Variants in CYYR1 observed in about 807,000 individuals in gnomAD.
CYYR1 encodes the protein cysteine and tyrosine rich 1.
CYYR1 carries 14 observed loss-of-function variants against 15.2 expected under a neutral mutation model. The ratio of observed to expected loss-of-function variants is 0.92; its 90% CI spans 0.61 to 1.44. The LOEUF is 1.44. Among genes scored for constraint, CYYR1 ranks in the 40% most tolerant of loss-of-function variants. The pLI is 0.00. For synonymous variants in CYYR1, 80 were observed against 77.4 expected, an observed-to-expected ratio of 1.03 and a Z score of -0.18; for missense variants, 228 against 209.5, an observed-to-expected ratio of 1.09 and a Z score of -0.54.
intron 2 of CYYR1, among the ~76,000 whole-genome samples, chr21:26,502,738 C>T (rs1225081134): frequency 1.3e-5 from 2 of 151,888 alleles, no homozygotes; most frequent in Non-Finnish European, 2.9e-5. Context: ...TTTCTGTTTC[C>T]TATTGTTTGT....
intron 3 of CYYR1, among the ~76,000 whole-genome samples, chr21:26,476,322 C>T (rs1490957816): frequency 6.6e-6 from 1 of 152,066 alleles, no homozygotes; most frequent in Non-Finnish European, 1.5e-5. Flanking sequence ...TTTATCTGTC[C>T]TTTAGTAACC....
chr21:26,487,192 T>C (rs2065260521), intron 2 of CYYR1, among the ~76,000 whole-genome samples: 1 of 151,976 alleles, frequency 6.6e-6, no homozygotes, highest in African/African-American at 2.4e-5. Flanking sequence ...ACCTTTGAAA[T>C]AAGTCAAAGG....
intron 2 of CYYR1, among the ~76,000 whole-genome samples, chr21:26,501,817 C>T (rs903215698): frequency 1.3e-5 from 2 of 152,080 alleles, no homozygotes; most frequent in African/African-American, 4.8e-5. Context: ...TGACAGCCTG[C>T]AAAGTGCACT....
chr21:26,492,285 G>T (rs1320522696), intron 2 of CYYR1, among the ~76,000 whole-genome samples: 1 of 152,176 alleles, frequency 6.6e-6, no homozygotes, highest in African/African-American at 2.4e-5. Flanking sequence ...CGTGATTGGC[G>T]TTGGGAACCT....
At chr21:26,488,376 TCCCTA>T (rs1452416412) in intron 2 of CYYR1, among the ~76,000 whole-genome samples, 1 of 151,850 alleles carries the variant, frequency 6.6e-6, no homozygotes, top group Non-Finnish European at 1.5e-5. Flanking sequence ...CACCTCAGCC[TCCCTA>T]GTAGCTGGCA....
chr21:26,505,271 T>C (rs2065540066), intron 2 of CYYR1, among the ~76,000 whole-genome samples: 1 of 152,178 alleles, frequency 6.6e-6, no homozygotes, highest in South Asian at 2.1e-4. Flanking sequence ...TTTGAATTAA[T>C]ATTCCCTCCA....
chr21:26,520,889 G>C (rs905746438), intron 2 of CYYR1, among the ~76,000 whole-genome samples: 2 of 152,138 alleles, frequency 1.3e-5, no homozygotes, highest in African/African-American at 4.8e-5. Context: ...GCAGGGACAT[G>C]GATCGACCTG....
chr21:26,523,652 T>C (rs1205791904), intron 2 of CYYR1, among the ~76,000 whole-genome samples: 2 of 152,224 alleles, frequency 1.3e-5, no homozygotes, highest in African/African-American at 4.8e-5. Context: ...AATTCTTTCC[T>C]GTCCTAAATC....
At chr21:26,562,082 T>C (rs966988890) in intron 2 of CYYR1, among the ~76,000 whole-genome samples, 2 of 152,170 alleles carry the variant, frequency 1.3e-5, no homozygotes, top group Admixed American at 6.6e-5. Context: ...TGAAGCAGAG[T>C]TGCTGAATCA....
intron 2 of CYYR1, among the ~76,000 whole-genome samples, chr21:26,543,970 G>C (rs2123658636): frequency 6.6e-6 from 1 of 152,038 alleles, no homozygotes; most frequent in South Asian, 2.1e-4. Context: ...TGCAAGGAGG[G>C]CTGGGATTGT....
intron 2 of CYYR1, among the ~76,000 whole-genome samples, chr21:26,549,894 T>G (rs907234600): frequency 4.6e-5 from 7 of 152,212 alleles, no homozygotes; most frequent in African/African-American, 1.7e-4. Flanking sequence ...AACAGATTGT[T>G]CATTTTCCTT....
At chr21:26,523,295 T>G (rs902474091) in intron 2 of CYYR1, among the ~76,000 whole-genome samples, 1 of 152,196 alleles carries the variant, frequency 6.6e-6, no homozygotes, top group African/African-American at 2.4e-5. Flanking sequence ...GCCTGTGCTG[T>G]TATCTGAGGA....
chr21:26,532,700 C>T (rs910284645), intron 2 of CYYR1, among the ~76,000 whole-genome samples: 3 of 152,072 alleles, frequency 2.0e-5, no homozygotes, highest in African/African-American at 7.2e-5. Context: ...AATGGTTTTC[C>T]ATATTTTCAA....
intron 2 of CYYR1, among the ~76,000 whole-genome samples, chr21:26,488,795 A>G (rs1209397738): frequency 6.6e-6 from 1 of 152,168 alleles, no homozygotes; most frequent in Non-Finnish European, 1.5e-5. Flanking sequence ...GACAAGAGCC[A>G]TATCCTAGGG....
chr21:26,508,212 C>T (rs1344140065), intron 2 of CYYR1, among the ~76,000 whole-genome samples: 1 of 152,172 alleles, frequency 6.6e-6, no homozygotes, highest in Non-Finnish European at 1.5e-5. Context: ...TGTGTGGCTG[C>T]AGCAAATGTT....
At chr21:26,483,412 CAAA>C (rs10533983) in intron 2 of CYYR1, 50,301 of 873,992 alleles carry the variant, frequency 0.058, 6 homozygotes, top group Middle Eastern at 0.068. Context: ...TCTCTCCTAT[CAAA>C]AAAAAAAAAA....
At chr21:26,493,688 G>A (rs766674009) in intron 2 of CYYR1, among the ~76,000 whole-genome samples, 5 of 152,242 alleles carry the variant, frequency 3.3e-5, no homozygotes, top group South Asian at 2.1e-4. Context: ...TCCCAGAGGA[G>A]TGACCTCTAG....
intron 2 of CYYR1, among the ~76,000 whole-genome samples, chr21:26,510,107 G>A (rs1296700904): frequency 3.3e-5 from 5 of 151,762 alleles, no homozygotes; most frequent in African/African-American, 7.3e-5. Context: ...TCATGAGATC[G>A]GGGAAAATAC....
At position 26,468,561 on chromosome 21, in the gene CYYR1, G is replaced by A. The variant is rs750724977; in HGVS notation, c.408C>T (p.Thr136=). The change falls in exon 4 of 4, where the codon ACC becomes ACT. Residue 136 remains threonine, a synonymous_variant. Coordinates refer to ENST00000652641, the MANE Select transcript of CYYR1 (RefSeq NM_001320768.2). ...GAGAACGCTGTGCTGGACCCTGTGGGGTGGGGGAGTATGGAGGAGGCAAGT... is the reference window on the plus strand; with the variant it reads ...GAGAACGCTGTGCTGGACCCTGTGGAGTGGGGGAGTATGGAGGAGGCAAGT... ...CADLPPPYSP[T]PQGPAQRSPP... The A allele has an allele frequency of 1.2e-6, 2 of 1,613,614 alleles. No individual in the cohort carries two copies.
Sources: allele counts gnomAD v4.1 joint callset (sites outside exome capture counted in the v4.1 genomes callset), GRCh38; gene constraint gnomAD v4.1.1; transcripts MANE v1.5; gene names NCBI Gene and HGNC (gene_info 2026-07-23, HGNC 2026-07-21).